Variants in ENTREP2 observed in about 807,000 individuals in gnomAD.
ENTREP2 encodes protein ENTREP2.
chr15:29,233,773 T>A, the ENTREP2 span: 1 of 1,539,264 alleles, frequency 6.5e-7, no homozygotes, highest in Non-Finnish European at 9.0e-7. Flanking sequence ...TCTGATGATG[T>A]GTGTGGTGTC....
chr15:29,525,850 T>C, the ENTREP2 span, among the ~76,000 whole-genome samples: 1 of 152,168 alleles, frequency 6.6e-6, no homozygotes, highest in African/African-American at 2.4e-5. Flanking sequence ...CAGAACTGTA[T>C]ACCCAGAAAA....
chr15:29,123,487 A>C, the ENTREP2 span: 2 of 1,551,624 alleles, frequency 1.3e-6, no homozygotes, highest in Non-Finnish European at 1.7e-6. Context: ...GGCCACCAAA[A>C]CCCTGGCATC....
At chr15:29,395,771 C>G in the ENTREP2 span, among the ~76,000 whole-genome samples, 1 of 151,858 alleles carries the variant, frequency 6.6e-6, no homozygotes, top group East Asian at 1.9e-4. Flanking sequence ...TGGGTGCCAA[C>G]GATCCTCCTG....
the ENTREP2 span, among the ~76,000 whole-genome samples, chr15:29,569,141 G>A: frequency 6.6e-6 from 1 of 152,166 alleles, no homozygotes; most frequent in Non-Finnish European, 1.5e-5. Context: ...TTTAAATCAT[G>A]GCTCCCGTGT....
the ENTREP2 span, among the ~76,000 whole-genome samples, chr15:29,125,181 CAG>C: frequency 7.2e-5 from 11 of 152,228 alleles, no homozygotes; most frequent in Non-Finnish European, 1.5e-4. Context: ...ACAAAGCCAT[CAG>C]GGGGCCACAG....
the ENTREP2 span, among the ~76,000 whole-genome samples, chr15:29,135,179 T>C: frequency 4.0e-5 from 6 of 148,200 alleles, no homozygotes; most frequent in Non-Finnish European, 7.4e-5. The surrounding 1 kb of genome is among the most constrained non-coding windows in gnomAD (Gnocchi z 7.4). Flanking sequence ...TCCAACTCAC[T>C]GCTGTGTTCC....
At chr15:29,634,884 C>T in the ENTREP2 span, among the ~76,000 whole-genome samples, 23 of 152,256 alleles carry the variant, frequency 1.5e-4, no homozygotes, top group African/African-American at 4.6e-4. Flanking sequence ...AGAGGGAGCA[C>T]GAAGCTTCTA....
the ENTREP2 span, among the ~76,000 whole-genome samples, chr15:29,293,279 T>C: frequency 6.6e-6 from 1 of 151,232 alleles, no homozygotes; most frequent in Admixed American, 6.6e-5. Flanking sequence ...TGAGACGGAG[T>C]CTCGCTCTGT....
At chr15:29,664,973 T>G in the ENTREP2 span, among the ~76,000 whole-genome samples, 1 of 152,202 alleles carries the variant, frequency 6.6e-6, no homozygotes, top group East Asian at 1.9e-4. Flanking sequence ...GTCTCCGGTT[T>G]TCTGAAGTCC....
the ENTREP2 span, chr15:29,267,740 A>G: frequency 6.6e-6 from 1 of 152,242 alleles, no homozygotes; most frequent in Non-Finnish European, 1.5e-5. Context: ...GTTATATTTA[A>G]AAAGTGGCAG....
At chr15:29,162,244 A>C in the ENTREP2 span, among the ~76,000 whole-genome samples, 207 of 152,236 alleles carry the variant, frequency 1.4e-3, 2 homozygotes, top group Non-Finnish European at 5.1e-4. Flanking sequence ...CGAGGGTAAA[A>C]CTCAACAGGG....
At chr15:29,152,261 C>G in the ENTREP2 span, among the ~76,000 whole-genome samples, 158 of 152,250 alleles carry the variant, frequency 1.0e-3, 1 homozygote, top group Non-Finnish European at 6.9e-4. Flanking sequence ...CTTGGGTACC[C>G]TTTACTCATT....
the ENTREP2 span, among the ~76,000 whole-genome samples, chr15:29,590,639 G>C: frequency 7.2e-6 from 1 of 139,516 alleles, no homozygotes; most frequent in Non-Finnish European, 1.5e-5. Context: ...AGCAGAGATG[G>C]CGCCACTGTA....
At chr15:29,129,005 T>A in the ENTREP2 span, 2 of 608,408 alleles carry the variant, frequency 3.3e-6, no homozygotes, top group African/African-American at 3.7e-5. Context: ...TCTTCTCCCC[T>A]ACATTTATGA....
chr15:29,633,973 C>T, the ENTREP2 span, among the ~76,000 whole-genome samples: 10 of 151,892 alleles, frequency 6.6e-5, no homozygotes, highest in East Asian at 1.8e-3. Flanking sequence ...AAAGAAAAAA[C>T]GGGGTGGGGG....
the ENTREP2 span, among the ~76,000 whole-genome samples, chr15:29,645,680 T>G: frequency 1.3e-5 from 2 of 151,992 alleles, no homozygotes; most frequent in African/African-American, 2.4e-5. Context: ...TGCCTCAGCT[T>G]CCCAAGTAGC....
chr15:29,474,807 T>A, the ENTREP2 span, among the ~76,000 whole-genome samples: 1 of 152,240 alleles, frequency 6.6e-6, no homozygotes, highest in Non-Finnish European at 1.5e-5. Context: ...TACTCGCGCC[T>A]CAGCCTCCCG....
the ENTREP2 span, among the ~76,000 whole-genome samples, chr15:29,295,775 G>A: frequency 3.3e-5 from 5 of 152,238 alleles, no homozygotes; most frequent in East Asian, 3.9e-4. Context: ...GCCTGGAGAC[G>A]CTGGACAAAG....
the ENTREP2 span, among the ~76,000 whole-genome samples, chr15:29,407,230 G>A: frequency 6.6e-6 from 1 of 152,188 alleles, no homozygotes; most frequent in Non-Finnish European, 1.5e-5. Flanking sequence ...GAACACTGTA[G>A]GCAACTGTAA....
Sources: allele counts gnomAD v4.1 joint callset (sites outside exome capture counted in the v4.1 genomes callset), GRCh38; gene constraint gnomAD v4.1.1; non-coding constraint Gnocchi (gnomAD v3.1); transcripts MANE v1.5; gene names NCBI Gene and HGNC (gene_info 2026-07-23, HGNC 2026-07-21).